AMPD3: variants seen among roughly 807,000 people sequenced by gnomAD.
AMPD3 encodes adenosine monophosphate deaminase 3, also known as AMP deaminase 3.
AMPD3 carries 57 observed loss-of-function variants against 82.3 expected under a neutral mutation model. The ratio of observed to expected loss-of-function variants is 0.69; its 90% CI spans 0.56 to 0.86. The LOEUF (loss-of-function observed/expected upper bound fraction) is 0.86. AMPD3 is among the 40% of genes least tolerant of loss of function. The probability of loss-of-function intolerance (pLI) is 0.00; values close to 1 mark genes in which losing one functional copy is unlikely to be tolerated. For missense variants in AMPD3, 870 were observed against 1,003.8 expected, an observed-to-expected ratio of 0.87 and a Z score of 1.80; for synonymous variants, 381 against 394.7, an observed-to-expected ratio of 0.97 and a Z score of 0.41.
chr11:10,456,426 G>A lies in AMPD3; in HGVS notation c.-6+978G>A, dbSNP rs760284135. The stretch of plus-strand genomic sequence containing the variant: ...AGGTCTGTGTCGGGGCTTCTGCAAG[G>A]GGAGTCTGGCAAGAGTAGGAACCAG... On this transcript the variant is annotated intron_variant, in intron 1 of 14. Coordinates refer to ENST00000396553, the MANE Select transcript of AMPD3 (RefSeq NM_001025389.2). The surrounding 1 kb of genome is among the most constrained non-coding windows in gnomAD (Gnocchi z 4.3). The A allele has an allele frequency of 2.0e-5, 32 of 1,613,656 alleles. No homozygotes were observed. Among genetic ancestry groups the A allele is most frequent in the Non-Finnish European group, 8.5e-7 (1 of 1,179,708 alleles).
chr11:10,506,028 T>G lies in AMPD3; in HGVS notation c.*144T>G. The G allele has an allele frequency of 3.4e-6, 3 of 884,610 alleles. No homozygotes were observed. The South Asian group carries it at 4.2e-5, about 12-fold the overall frequency. 54.8% of individuals were successfully genotyped at this position (884,610 alleles called of 1,614,324 possible). A position where few individuals can be genotyped will look rare whatever the true frequency, so the allele number is the denominator to read the frequency against. On this transcript the variant is annotated 3_prime_UTR_variant, in exon 15 of 15. Coordinates refer to ENST00000396553, the MANE Select transcript of AMPD3 (RefSeq NM_001025389.2). This position sits in a 1 kb window ranked among gnomAD's most constrained non-coding sequence, Gnocchi z 4.1. ...TTTAAACTGGTGATTTTGGTTGCACTGCTCACTTTAAGAGTTAACATGCTC... is the reference window on the plus strand; with the variant it reads ...TTTAAACTGGTGATTTTGGTTGCACGGCTCACTTTAAGAGTTAACATGCTC...
chr11:10,506,578 A>C lies in AMPD3; in HGVS notation c.*694A>C, dbSNP rs2169594. On this transcript the variant is annotated 3_prime_UTR_variant, in exon 15 of 15. Coordinates refer to ENST00000396553, the MANE Select transcript of AMPD3 (RefSeq NM_001025389.2). The surrounding 1 kb of genome is among the most constrained non-coding windows in gnomAD (Gnocchi z 4.1). ...AATCTCCTCATGAATACTTTAGGGTAGGGGAGGGAAGGGAGTGAGTGATGC... is the reference window on the plus strand; with the variant it reads ...AATCTCCTCATGAATACTTTAGGGTCGGGGAGGGAAGGGAGTGAGTGATGC... 1 of 152,868 alleles carries C rather than the reference A, an allele frequency of 6.5e-6. No homozygotes were observed. Among genetic ancestry groups the C allele is most frequent in the Non-Finnish European group, 1.5e-5 (1 of 68,378 alleles). The allele number at this position is 152,868 out of a possible 1,614,324, so 9.5% of individuals were successfully genotyped here.
At chr11:10,490,541 T>C (rs1480849202) in intron 6 of AMPD3, 1 of 985,326 alleles carries the variant, frequency 1.0e-6, no homozygotes, top group Non-Finnish European at 1.2e-6. Flanking sequence ...GGGAATGCAC[T>C]TGGATCCTCT....
chr11:10,487,478 A>T, intron 6 of AMPD3, 114 bp downstream of exon 6: 1 of 1,501,876 alleles, frequency 6.7e-7, no homozygotes, highest in Non-Finnish European at 9.2e-7. Context: ...GCTCCTTGCT[A>T]AGGGCGGCCT....
Position 10,459,995 on chromosome 11 carries a change from T to G in AMPD3, c.-5-1520T>G, listed in dbSNP as rs185408548. On this transcript the variant is annotated intron_variant, in intron 1 of 14. Coordinates refer to ENST00000396553, the MANE Select transcript of AMPD3 (RefSeq NM_001025389.2). Reference sequence around the variant, plus strand: ...TAATAAGATTAACTGAGTTAATAAGTATGAAGTTCTTTGCAGAGTATATAT... The same window carrying G: ...TAATAAGATTAACTGAGTTAATAAGGATGAAGTTCTTTGCAGAGTATATAT... 2.5e-3 allele frequency among the ~76,000 whole-genome samples: 379 copies of G among 150,374 alleles called. 4 individuals are homozygous for G. The highest frequency in any genetic ancestry group is 8.9e-3 in the African/African-American group (365 of 40,924).
intron 3 of AMPD3, chr11:10,481,420 G>A (rs1848901064): frequency 1.0e-6 from 1 of 985,158 alleles, no homozygotes; most frequent in Non-Finnish European, 1.2e-6. Context: ...ACAGACTTTT[G>A]GCTTAATTAG....
chr11:10,450,874 T>A (rs536893586), upstream of AMPD3: 35 of 1,222,498 alleles, frequency 2.9e-5, no homozygotes, highest in Non-Finnish European at 3.6e-5. Context: ...CGCTGCGCCC[T>A]CTGAACGCCC....
intron 2 of AMPD3, chr11:10,473,556 C>A: frequency 6.1e-6 from 6 of 985,352 alleles, no homozygotes; most frequent in Non-Finnish European, 7.2e-6. Context: ...ACCTGATTGG[C>A]TGCAAAGTGT....
chr11:10,493,237 C>T, intron 6 of AMPD3, 112 bp from the exon 7 acceptor site: 1 of 1,273,972 alleles, frequency 7.8e-7, no homozygotes, highest in Non-Finnish European at 1.1e-6. Context: ...GTGGGGCTGC[C>T]CGGATGGCCC....
intron 1 of AMPD3, among the ~76,000 whole-genome samples, chr11:10,459,090 C>G (rs1405235583): frequency 6.6e-6 from 1 of 152,034 alleles, no homozygotes; most frequent in Non-Finnish European, 1.5e-5. Context: ...ATGGAAATCC[C>G]CACAGGCAGC....
chr11:10,482,228 A>G lies in AMPD3; in HGVS notation c.589+3A>G. The G allele has an allele frequency of 8.1e-6, 13 of 1,611,248 alleles. No homozygotes were observed. Among genetic ancestry groups the G allele is most frequent in the Non-Finnish European group, 1.1e-5 (13 of 1,179,054 alleles). ...ACCTCCGGAAGAGGGCCTTCCAGGT[A>G]TGGAGCTCTGGCTGGAGGTTGGGTC... On this transcript the variant is annotated splice_donor_region_variant and intron_variant, in intron 4 of 14. Transcript: ENST00000396553.
chr11:10,482,598 A>G (rs540564747), intron 4 of AMPD3, among the ~76,000 whole-genome samples: 31 of 151,970 alleles, frequency 2.0e-4, no homozygotes, highest in African/African-American at 7.0e-4. Context: ...TGCAGCCTCA[A>G]TCTCCTGGGC....
intron 9 of AMPD3, 30 bp from the exon 10 acceptor site, chr11:10,496,781 AC>A (rs1349541132): frequency 1.2e-6 from 2 of 1,613,986 alleles, no homozygotes; most frequent in Non-Finnish European, 1.7e-6. Flanking sequence ...TGTTGGATCC[AC>A]CTGACAAGCG....
intron 12 of AMPD3, chr11:10,502,382 T>C (rs910915359): frequency 1.0e-6 from 1 of 985,354 alleles, no homozygotes; most frequent in Non-Finnish European, 1.2e-6. Context: ...CTAGACTGGG[T>C]CCGTGCCTAG....
Position 10,480,018 on chromosome 11 carries a change from C to T in AMPD3, c.426+1288C>T, listed in dbSNP as rs1848855652. On this transcript the variant is annotated intron_variant, in intron 3 of 14. Coordinates refer to ENST00000396553, the MANE Select transcript of AMPD3 (RefSeq NM_001025389.2). ...GCAAGAGTCGAGGTGGGTCGGCCAC[C>T]AGCTGAATGGGAGGATGTCAGCCTG... 8 of 944,022 alleles carry T rather than the reference C, an allele frequency of 8.5e-6. No individual in the cohort carries two copies. In the South Asian group the frequency reaches 3.9e-4, roughly 46 times the overall value. 58.5% of individuals were successfully genotyped at this position (944,022 alleles called of 1,614,324 possible). A position where few individuals can be genotyped will look rare whatever the true frequency, so the allele number is the denominator to read the frequency against.
intron 2 of AMPD3, chr11:10,473,684 G>A (rs955301663): frequency 8.5e-6 from 7 of 822,544 alleles, no homozygotes; most frequent in Non-Finnish European, 1.0e-5. Context: ...AGTGCCCATC[G>A]TGCAGCATAT....
intron 1 of AMPD3, among the ~76,000 whole-genome samples, 200 bp downstream of exon 1, chr11:10,455,648 G>C (rs1848071145): frequency 6.6e-6 from 1 of 152,308 alleles, no homozygotes; most frequent in South Asian, 2.1e-4. Flanking sequence ...CCTGTCCTCT[G>C]TCCGCCTCTG....
At chr11:10,472,202 C>T (rs190490415) in intron 2 of AMPD3, among the ~76,000 whole-genome samples, 8 of 151,908 alleles carry the variant, frequency 5.3e-5, no homozygotes, top group Middle Eastern at 3.2e-3. Flanking sequence ...AAGAGAAAAC[C>T]AAACATCGCA....
Position 10,461,524 on chromosome 11 carries a change from C to T in AMPD3, c.5C>T (p.Pro2Leu), listed in dbSNP as rs145604316. 2.8e-4 allele frequency: 448 copies of T among 1,614,096 alleles called. No individual in the cohort carries two copies. Among genetic ancestry groups the T allele is most frequent in the Admixed American group, 4.5e-4 (27 of 60,012 alleles). Residue 2 changes from proline (P) to leucine (L), a missense_variant, in exon 2 of 15, where the codon CCG becomes CTG. By Grantham distance (98) the Pro-to-Leu change is moderately conservative. Transcript: ENST00000396553. Reference sequence around the variant, plus strand: ...GTTCTTTCTTTGCTAGCTGAGATGCCGCGGCAGTTTCCCAAGCTGAACATC... The same window carrying T: ...GTTCTTTCTTTGCTAGCTGAGATGCTGCGGCAGTTTCCCAAGCTGAACATC... M[P>L]RQFPKLNISE...
Sources: allele counts gnomAD v4.1 joint callset (sites outside exome capture counted in the v4.1 genomes callset), GRCh38; gene constraint gnomAD v4.1.1; non-coding constraint Gnocchi (gnomAD v3.1); transcripts MANE v1.5; gene names NCBI Gene and HGNC (gene_info 2026-07-23, HGNC 2026-07-21).